Variants in CDK5RAP2 observed in about 807,000 individuals in gnomAD.
The protein encoded by CDK5RAP2 is CDK5 regulatory subunit associated protein 2.
CDK5RAP2 carries 147 observed loss-of-function variants against 232.9 expected under a neutral mutation model. The observed-to-expected ratio is 0.63, with a 90% CI of 0.55 to 0.72. CDK5RAP2 has a LOEUF of 0.72. Among genes scored for constraint, CDK5RAP2 ranks in the 30% least tolerant of loss-of-function variants. The pLI is 0.00. For synonymous variants in CDK5RAP2, 833 were observed against 833.7 expected (o/e 1.00, Z 0.01); for missense variants, 2,195 against 2,231.5 (o/e 0.98, Z 0.33).
chr9:120,553,031 G>A (rs2132071766), intron 3 of CDK5RAP2, among the ~76,000 whole-genome samples: 1 of 152,116 alleles, frequency 6.6e-6, no homozygotes, highest in Non-Finnish European at 1.5e-5. Context: ...AAAAAGTTGG[G>A]GGAAAAAATA....
chr9:120,400,067 C>T (rs1463644916), intron 35 of CDK5RAP2, among the ~76,000 whole-genome samples: 1 of 152,128 alleles, frequency 6.6e-6, no homozygotes, highest in African/African-American at 2.4e-5. Context: ...ATCTATCACA[C>T]CACCAAGCAG....
At chr9:120,521,233 AC>A (rs1272665419) in intron 11 of CDK5RAP2, among the ~76,000 whole-genome samples, 1 of 152,246 alleles carries the variant, frequency 6.6e-6, no homozygotes, top group Non-Finnish European at 1.5e-5. Flanking sequence ...AACAACACTT[AC>A]TGTGCCCAGG....
At chr9:120,543,245 T>G (rs1462922009) in intron 5 of CDK5RAP2, among the ~76,000 whole-genome samples, 1 of 152,238 alleles carries the variant, frequency 6.6e-6, no homozygotes, top group East Asian at 1.9e-4. Context: ...ACTAGCTTCC[T>G]GACTGGTCGC....
At chr9:120,448,682 G>A (rs940248652) in intron 21 of CDK5RAP2, among the ~76,000 whole-genome samples, 2 of 152,178 alleles carry the variant, frequency 1.3e-5, no homozygotes, top group Non-Finnish European at 2.9e-5. Flanking sequence ...GCAAATCTAC[G>A]CCACTTCAAC....
chr9:120,415,054 G>A lies in CDK5RAP2; in HGVS notation c.4283C>T (p.Ser1428Phe). The change falls in exon 28 of 38, where the codon TCT becomes TTT. Residue 1428 changes from serine (S) to phenylalanine (F), a missense_variant. By Grantham distance (155) the Ser-to-Phe change is radical. Coordinates refer to ENST00000349780, the MANE Select transcript of CDK5RAP2 (RefSeq NM_018249.6). ...TCTTTCCTTACCTTGAACAAATTCAGATCCTTGCCGTTCCAACTGTTTCCG... is the reference window on the plus strand; with the variant it reads ...TCTTTCCTTACCTTGAACAAATTCAAATCCTTGCCGTTCCAACTGTTTCCG... ...KLRKQLERQG[S>F]EFVQGSTSIF... The A allele has an allele frequency of 1.2e-6, 2 of 1,614,176 alleles. No individual in the cohort carries two copies. Among genetic ancestry groups the A allele is most frequent in the South Asian group, 2.2e-5 (2 of 91,082 alleles).
chr9:120,402,375 T>C (rs1012734468), intron 34 of CDK5RAP2, among the ~76,000 whole-genome samples: 3 of 152,034 alleles, frequency 2.0e-5, no homozygotes, highest in Non-Finnish European at 4.4e-5. Flanking sequence ...TGAACAGAGA[T>C]AGAATTGTTT....
At chr9:120,479,298 A>C (rs1588444758) in intron 14 of CDK5RAP2, among the ~76,000 whole-genome samples, 1 of 152,216 alleles carries the variant, frequency 6.6e-6, no homozygotes, top group Non-Finnish European at 1.5e-5. Flanking sequence ...TAGAAAAATC[A>C]CCCTTCGCCA....
rs1317134939 is a variant in CDK5RAP2 at position 120,477,523 on chromosome 9, T to C, written c.1627-73A>G. 9 of 1,147,386 alleles carry C rather than the reference T, an allele frequency of 7.8e-6. No individual in the cohort carries two copies. In the African/African-American group the frequency reaches 1.1e-4, roughly 13 times the overall value. The allele number at this position is 1,147,386 out of a possible 1,614,324, so 71.1% of individuals were successfully genotyped here. A position where few individuals can be genotyped will look rare whatever the true frequency, so the allele number is the denominator to read the frequency against. On this transcript the variant is annotated intron_variant, in intron 14 of 37. Transcript: ENST00000349780. ...AGTACATCCTTATATTATGCAAACATATGTAGCTAGTCCCAGTTTTTAAAA... is the reference window on the plus strand; with the variant it reads ...AGTACATCCTTATATTATGCAAACACATGTAGCTAGTCCCAGTTTTTAAAA...
intron 14 of CDK5RAP2, 110 bp downstream of exon 14, chr9:120,487,184 A>C: frequency 8.5e-7 from 1 of 1,180,486 alleles, no homozygotes; most frequent in Non-Finnish European, 1.3e-6. Flanking sequence ...AGGCTCAGTT[A>C]CCAACAAGAA....
At chr9:120,552,547 C>T (rs1407970732) in intron 3 of CDK5RAP2, among the ~76,000 whole-genome samples, 1 of 151,860 alleles carries the variant, frequency 6.6e-6, no homozygotes, top group South Asian at 2.1e-4. Context: ...TTTGTAGGGA[C>T]GTGGATGAAG....
At chr9:120,516,182 A>G (rs1267505854) in intron 12 of CDK5RAP2, among the ~76,000 whole-genome samples, 5 of 152,226 alleles carry the variant, frequency 3.3e-5, no homozygotes, top group East Asian at 1.9e-4. Context: ...AATACTATGC[A>G]GCCATAAAAA....
intron 37 of CDK5RAP2, 74 bp from the exon 38 acceptor site, chr9:120,389,366 G>C: frequency 8.5e-7 from 1 of 1,178,060 alleles, no homozygotes. Context: ...CGACAGAGGT[G>C]AAAGCGAGAC....
At chr9:120,400,369 T>A (rs946434281) in intron 35 of CDK5RAP2, among the ~76,000 whole-genome samples, 1 of 152,242 alleles carries the variant, frequency 6.6e-6, no homozygotes, top group Non-Finnish European at 1.5e-5. Flanking sequence ...AAGAATGAGC[T>A]AGTCCATGAG....
In CDK5RAP2 at chr9:120,419,839, G is replaced by A. The variant is rs755247275; in HGVS notation, c.4126C>T (p.Gln1376Ter). The A allele has an allele frequency of 6.2e-7, 1 of 1,613,804 alleles. No homozygotes were observed. The highest frequency in any genetic ancestry group is 1.1e-5 in the South Asian group (1 of 91,068). The change falls in exon 27 of 38, where the codon CAA (glutamine) becomes TAA (stop). Residue 1376 changes from glutamine to a stop codon, truncating the protein, a stop_gained. Transcript: ENST00000349780. LOFTEE classifies it high-confidence loss of function. ...EKSFFSRDQK[Q>*]DNETEKTSVM... Reference sequence around the variant, plus strand: ...GAAGTCTTCTCTGTCTCATTATCTTGCTTCTGGTCTCGTGAGAAGAAGGAC... The same window carrying A: ...GAAGTCTTCTCTGTCTCATTATCTTACTTCTGGTCTCGTGAGAAGAAGGAC...
In CDK5RAP2 at chr9:120,460,669, T is replaced by C. The variant is rs775213324; in HGVS notation, c.2107-2A>G. ...CTCGTCCTCCTTGCTAGCCAGAAGC[T>C]ACATGGAGCATGGAATGGTGTGAAA... On this transcript the variant is annotated splice_acceptor_variant, in intron 18 of 37. Coordinates refer to ENST00000349780, the MANE Select transcript of CDK5RAP2 (RefSeq NM_018249.6). LOFTEE classifies it high-confidence loss of function. 4 of 1,613,972 alleles carry C rather than the reference T, an allele frequency of 2.5e-6. No homozygotes were observed. In the South Asian group the frequency reaches 4.4e-5, roughly 18 times the overall value.
At chr9:120,521,599 G>A (rs2040657938) in intron 11 of CDK5RAP2, among the ~76,000 whole-genome samples, 1 of 151,100 alleles carries the variant, frequency 6.6e-6, no homozygotes. Context: ...TGATTGTGAG[G>A]CCTCCCCAGC....
At chr9:120,577,292 C>G (rs2043070274) in intron 1 of CDK5RAP2, among the ~76,000 whole-genome samples, 1 of 149,884 alleles carries the variant, frequency 6.7e-6, no homozygotes, top group African/African-American at 2.5e-5. Context: ...ACTCTGGAGG[C>G]GGAGGTTGCA....
intron 27 of CDK5RAP2, 147 bp downstream of exon 27, chr9:120,419,641 C>T (rs2034446762): frequency 2.7e-6 from 2 of 727,426 alleles, no homozygotes; most frequent in Non-Finnish European, 5.0e-6. Flanking sequence ...ATAAAGGATA[C>T]TCTGAATGAC....
At position 120,437,297 on chromosome 9, in the gene CDK5RAP2, T is replaced by C. The variant is rs764546841; in HGVS notation, c.3953A>G (p.Asn1318Ser). 1.9e-5 allele frequency: 30 copies of C among 1,609,976 alleles called. No individual in the cohort carries two copies. Among genetic ancestry groups the C allele is most frequent in the Admixed American group, 6.7e-5 (4 of 59,482 alleles). ...CTCGCGTACCTCACCCTACCTACCG[T>C]TGAGAAATAGCTTTTCCAATTTCTC... ...LLEKLEKLFL[N>S]GKSVGVEMNT... The change falls in exon 25 of 38, where the codon AAC (asparagine) becomes AGC (serine). Residue 1318 changes from asparagine (N) to serine (S), a missense_variant and splice_region_variant. Physicochemically the swap from Asn to Ser is conservative, Grantham distance 46. Coordinates refer to ENST00000349780, the MANE Select transcript of CDK5RAP2 (RefSeq NM_018249.6).
Sources: gnomAD v4.1 joint callset for allele counts (sites outside exome capture counted in the v4.1 genomes callset) on GRCh38, gnomAD v4.1.1 for gene constraint, MANE v1.5 for transcripts, NCBI Gene and HGNC (gene_info 2026-07-23, HGNC 2026-07-21) for gene names.